Variants in FAM219B observed in about 807,000 individuals in gnomAD.
FAM219B encodes protein FAM219B.
In FAM219B, 18 loss-of-function variants were observed where a neutral mutation model predicts 19.9. The ratio of observed to expected loss-of-function variants is 0.91; its 90% confidence interval spans 0.63 to 1.34. FAM219B has a LOEUF of 1.34. Ranked by LOEUF, FAM219B falls within the 40% of genes most tolerant of loss-of-function variation. The pLI, the probability that FAM219B is intolerant of heterozygous loss-of-function variation, is 0.00. For missense variants in FAM219B, 283 were observed against 270.5 expected (o/e 1.05, Z -0.32); for synonymous variants, 123 against 117.5 (o/e 1.05, Z -0.30).
At position 74,904,655 on chromosome 15, in the gene FAM219B, T is replaced by C; in HGVS notation, c.429+9A>G. 1 of 1,614,220 alleles carries C rather than the reference T, an allele frequency of 6.2e-7. No individual in the cohort carries two copies. Among genetic ancestry groups the C allele is most frequent in the South Asian group, 1.1e-5 (1 of 91,086 alleles). The stretch of plus-strand genomic sequence containing the variant: ...CCTGGCCCTGCACAGAAAGGTGTTC[T>C]GGACTTGCCTCTGCAGATGAATACC... On this transcript the variant is annotated intron_variant, in intron 4 of 4. Coordinates refer to ENST00000357635, the MANE Select transcript of FAM219B (RefSeq NM_020447.5).
Position 74,902,459 on chromosome 15 carries a change from G to C in FAM219B, c.*160C>G, listed in dbSNP as rs1466568696. 1 of 582,274 alleles carries C rather than the reference G, an allele frequency of 1.7e-6. No homozygotes were observed. The highest frequency in any genetic ancestry group is 4.9e-5 in the South Asian group (1 of 20,206). The allele number at this position is 582,274 out of a possible 1,614,324, so 36.1% of individuals were successfully genotyped here. ...ATTCTACCTATCAGCCCACAGCCCA[G>C]ATGGGGGCCTCTGGCCTGAGAAGCA... On this transcript the variant is annotated 3_prime_UTR_variant, in exon 5 of 5. Transcript: ENST00000357635.
At position 74,906,683 on chromosome 15, in the gene FAM219B, T is replaced by G; in HGVS notation, c.118A>C (p.Asn40His). The change falls in exon 1 of 5, where the codon AAT becomes CAT. Residue 40 changes from asparagine to histidine, a missense_variant. Coordinates refer to ENST00000357635, the MANE Select transcript of FAM219B (RefSeq NM_020447.5). ...CGCTCCCCCAGACGGAGGGCTCTAT[T>G]ACCGATCTGCCCGGAGGGTGGCCCC... ...AAGPPSGQIGNRALRLGERTP... is the reference protein window; with the variant it reads ...AAGPPSGQIGHRALRLGERTP... 1 of 1,484,100 alleles carries G rather than the reference T, an allele frequency of 6.7e-7. No individual in the cohort carries two copies. Among genetic ancestry groups the G allele is most frequent in the South Asian group, 1.4e-5 (1 of 70,522 alleles). The allele number at this position is 1,484,100 out of a possible 1,614,324, so 91.9% of individuals were successfully genotyped here.
At chr15:74,899,792 T>A (rs2064880850), downstream of FAM219B, 2 of 152,094 alleles carry the variant, frequency 1.3e-5, no homozygotes, top group Admixed American at 1.3e-4. Flanking sequence ...CCAGCTAAGT[T>A]TTTGTATTTT....
At chr15:74,905,611 C>T (rs2065155631) in intron 2 of FAM219B, 1 of 225,976 alleles carries the variant, frequency 4.4e-6, no homozygotes, top group Admixed American at 5.0e-5. Flanking sequence ...CGGGCTTTCA[C>T]CATGTTGGCC....
chr15:74,904,586 G>C, intron 4 of FAM219B, 78 bp downstream of exon 4: 1 of 1,513,296 alleles, frequency 6.6e-7, no homozygotes. Context: ...GCTCACAGCG[G>C]GCACCAAACA....
At chr15:74,906,113 G>T (rs962327898) in intron 2 of FAM219B, 165 bp downstream of exon 2, 7 of 711,502 alleles carry the variant, frequency 9.8e-6, no homozygotes, top group Admixed American at 2.9e-5. Context: ...CATCCTTAAA[G>T]GAAAAGAGAG....
At position 74,906,834 on chromosome 15, in the gene FAM219B, C is replaced by T; in HGVS notation, c.-34G>A. Reference sequence around the variant, plus strand: ...CCCGCCCTGCCGGATGGTGCAACCCCGCCCGTGGCGAAAGAGTGACCGGCC... The same window carrying T: ...CCCGCCCTGCCGGATGGTGCAACCCTGCCCGTGGCGAAAGAGTGACCGGCC... On this transcript the variant is annotated 5_prime_UTR_variant, in exon 1 of 5. Coordinates refer to ENST00000357635, the MANE Select transcript of FAM219B (RefSeq NM_020447.5). The T allele has an allele frequency of 8.1e-7, 1 of 1,242,128 alleles. No individual in the cohort carries two copies. Among genetic ancestry groups the T allele is most frequent in the Non-Finnish European group, 1.0e-6 (1 of 993,880 alleles). 76.9% of individuals were successfully genotyped at this position (1,242,128 alleles called of 1,614,324 possible). A position where few individuals can be genotyped will look rare whatever the true frequency, so the allele number is the denominator to read the frequency against.
chr15:74,902,206 A>G lies in FAM219B; in HGVS notation c.*413T>C, dbSNP rs2064988655. ...TTTTTTGGATTGCCAGCTATAATAAACCATAAAGTGCTATTTTCTGCCTCC... is the reference window on the plus strand; with the variant it reads ...TTTTTTGGATTGCCAGCTATAATAAGCCATAAAGTGCTATTTTCTGCCTCC... On this transcript the variant is annotated 3_prime_UTR_variant, in exon 5 of 5. Transcript: ENST00000357635. 2.5e-6 allele frequency: 1 copy of G among 398,594 alleles called. No homozygotes were observed. Among genetic ancestry groups the G allele is most frequent in the Non-Finnish European group, 4.4e-6 (1 of 226,120 alleles). The allele number at this position is 398,594 out of a possible 1,614,324, so 24.7% of individuals were successfully genotyped here. A position where few individuals can be genotyped will look rare whatever the true frequency, so the allele number is the denominator to read the frequency against.
At chr15:74,903,600 CAAAAAAAAAAAAAA>C (rs60354993) in intron 4 of FAM219B, among the ~76,000 whole-genome samples, 1 of 46,138 alleles carries the variant, frequency 2.2e-5, no homozygotes, top group Non-Finnish European at 4.6e-5. Context: ...GACTCTGTCT[CAAAAAAAAAAAAAA>C]AAAAAAAAAA....
At chr15:74,906,254 AGAG>A in intron 2 of FAM219B, 21 bp downstream of exon 2, 1 of 1,610,750 alleles carries the variant, frequency 6.2e-7, no homozygotes, top group Non-Finnish European at 8.5e-7. Flanking sequence ...CTGCTGGCAC[AGAG>A]GAGGTGGCGC....
At chr15:74,905,113 A>C in intron 3 of FAM219B, 41 bp downstream of exon 3, 1 of 1,613,278 alleles carries the variant, frequency 6.2e-7, no homozygotes, top group Non-Finnish European at 8.5e-7. Flanking sequence ...AGTCCCAGCC[A>C]AGTTGCTTCC....
At chr15:74,898,888 T>A (rs2064864998), downstream of FAM219B, 1 of 152,384 alleles carries the variant, frequency 6.6e-6, no homozygotes, top group South Asian at 2.1e-4. Context: ...CAAACCAGGC[T>A]GGCAGGCCAG....
rs1427529641 is a variant in FAM219B at position 74,902,050 on chromosome 15, T to TA, written c.*568dup. ...AACCTGCTATGATCCCTGTCATAGTTAGACAGGTGCAACCTGAAGAGGGAC... is the reference window on the plus strand; with the variant it reads ...AACCTGCTATGATCCCTGTCATAGTTAAGACAGGTGCAACCTGAAGAGGGAC... On this transcript the variant is annotated 3_prime_UTR_variant, in exon 5 of 5. Coordinates refer to ENST00000357635, the MANE Select transcript of FAM219B (RefSeq NM_020447.5). 3 of 398,458 alleles carry TA rather than the reference T, an allele frequency of 7.5e-6. No homozygotes were observed. Among genetic ancestry groups the TA allele is most frequent in the African/African-American group, 6.2e-5 (3 of 48,644 alleles). 24.7% of individuals were successfully genotyped at this position (398,458 alleles called of 1,614,324 possible). A position where few individuals can be genotyped will look rare whatever the true frequency, so the allele number is the denominator to read the frequency against.
chr15:74,905,126 A>G (rs1004406794), intron 3 of FAM219B, 28 bp downstream of exon 3: 5 of 1,613,672 alleles, frequency 3.1e-6, no homozygotes, highest in Non-Finnish European at 4.2e-6. Flanking sequence ...TTGCTTCCCA[A>G]GGGGGTATTT....
rs531956974 is a variant in FAM219B at position 74,901,735 on chromosome 15, G to C, written c.*884C>G. Reference sequence around the variant, plus strand: ...CAAAAGTTTAAAAAGTAAACAATAGGAAGGCACCGGACTGCTCCCTGTAGC... The same window carrying C: ...CAAAAGTTTAAAAAGTAAACAATAGCAAGGCACCGGACTGCTCCCTGTAGC... On this transcript the variant is annotated 3_prime_UTR_variant, in exon 5 of 5. Coordinates refer to ENST00000357635, the MANE Select transcript of FAM219B (RefSeq NM_020447.5). 1.1e-5 allele frequency: 2 copies of C among 187,286 alleles called. No individual in the cohort carries two copies. Among genetic ancestry groups the C allele is most frequent in the African/African-American group, 2.3e-5 (1 of 43,118 alleles). 11.6% of individuals were successfully genotyped at this position (187,286 alleles called of 1,614,324 possible).
Position 74,906,496 on chromosome 15 carries a change from G to A in FAM219B, c.214+91C>T, listed in dbSNP as rs1169210827. On this transcript the variant is annotated intron_variant, in intron 1 of 4. Coordinates refer to ENST00000357635, the MANE Select transcript of FAM219B (RefSeq NM_020447.5). ...GCTGCAGCTAACCCCTTCCCTCCGG[G>A]GCCGAGGCCCAGCGGAGCTCCGGAA... The A allele has an allele frequency of 4.0e-6, 6 of 1,487,126 alleles. 1 individual carries two copies. In the Admixed American group the frequency reaches 1.4e-4, roughly 35 times the overall value. 92.1% of individuals were successfully genotyped at this position (1,487,126 alleles called of 1,614,324 possible).
downstream of FAM219B, chr15:74,898,213 G>T: frequency 3.8e-6 from 1 of 264,764 alleles, no homozygotes; most frequent in Non-Finnish European, 7.5e-6. Context: ...AGCAATTAAA[G>T]ATCACTTGTG....
rs1468919583 is a variant in FAM219B, at chr15:74,904,716, G to A, written c.381-4C>T. 1.2e-6 allele frequency: 2 copies of A among 1,614,078 alleles called. No homozygotes were observed. The highest frequency in any genetic ancestry group is 2.7e-5 in the African/African-American group (2 of 74,928). ...TCTGGATCCCAGCTCCCCATCACTA[G>A]GAGAAGAGGAAAACAGTCAGTTCCG... On this transcript the variant is annotated splice_polypyrimidine_tract_variant and splice_region_variant and intron_variant, in intron 3 of 4. Coordinates refer to ENST00000357635, the MANE Select transcript of FAM219B (RefSeq NM_020447.5).
rs753362859 is a variant in FAM219B at position 74,906,536 on chromosome 15, G to T, written c.214+51C>A. The stretch of plus-strand genomic sequence containing the variant: ...GAGCTCCGGAACCCGCCCTGGGGAC[G>T]CGGCCGCCCGCCCAGGGAGAAACCT... On this transcript the variant is annotated intron_variant, in intron 1 of 4. Transcript: ENST00000357635. 3 of 1,462,584 alleles carry T rather than the reference G, an allele frequency of 2.1e-6. No homozygotes were observed. The East Asian group carries it at 7.4e-5, about 36-fold the overall frequency. The allele number at this position is 1,462,584 out of a possible 1,614,324, so 90.6% of individuals were successfully genotyped here.
Sources: allele counts gnomAD v4.1 joint callset (sites outside exome capture counted in the v4.1 genomes callset), GRCh38; gene constraint gnomAD v4.1.1; transcripts MANE v1.5; gene names NCBI Gene and HGNC (gene_info 2026-07-23, HGNC 2026-07-21).